CHMP4B: variants seen among roughly 807,000 people sequenced by gnomAD.
CHMP4B encodes the protein SNF7 homolog associated with Alix 1.
A neutral mutation model predicts 25.1 loss-of-function variants in CHMP4B; 1 was observed. That is an observed-to-expected ratio of 0.04 (90% CI 0.01 to 0.19). The LOEUF (loss-of-function observed/expected upper bound fraction) is 0.19. Ranked by LOEUF, CHMP4B falls within the 10% of genes least tolerant of loss-of-function variation. The probability of loss-of-function intolerance (pLI) is 1.00; values close to 1 mark genes in which losing one functional copy is unlikely to be tolerated. For synonymous variants in CHMP4B, 101 were observed against 115.6 expected, an observed-to-expected ratio of 0.87 and a Z score of 0.81; for missense variants, 151 against 289.7, an observed-to-expected ratio of 0.52 and a Z score of 3.48.
At chr20:33,841,567 A>G (rs1159728400) in intron 1 of CHMP4B, among the ~76,000 whole-genome samples, 1 of 152,160 alleles carries the variant, frequency 6.6e-6, no homozygotes, top group Non-Finnish European at 1.5e-5. Flanking sequence ...GGTTTCTGAT[A>G]ACTTTCTGTT....
chr20:33,812,689 G>A (rs1444647846), intron 1 of CHMP4B, among the ~76,000 whole-genome samples: 1 of 152,212 alleles, frequency 6.6e-6, no homozygotes, highest in Non-Finnish European at 1.5e-5. Flanking sequence ...TAGGATTGAG[G>A]TAATTCACTC....
chr20:33,842,177 C>G (rs954789753), intron 1 of CHMP4B, among the ~76,000 whole-genome samples: 5 of 152,266 alleles, frequency 3.3e-5, no homozygotes, highest in African/African-American at 1.2e-4. Context: ...CCATGTGGTA[C>G]AAGGATGGTC....
In CHMP4B at chr20:33,811,505, G is replaced by A. The variant is rs1601312636; in HGVS notation, c.37G>A (p.Gly13Ser). The change falls in exon 1 of 5, where the codon GGT becomes AGT. Residue 13 changes from glycine to serine, a missense_variant. This residue lies in a region of CHMP4B where 28 missense variants were observed against 30.5 expected (regional missense o/e 0.92). Transcript: ENST00000217402. Reference sequence around the variant, plus strand: ...CGGGAAGCTGTTCGGGGCTGGAGGGGGTAAGGCCGGCAAGGGCGGCCCGAC... The same window carrying A: ...CGGGAAGCTGTTCGGGGCTGGAGGGAGTAAGGCCGGCAAGGGCGGCCCGAC... ...VFGKLFGAGGGKAGKGGPTPQ... is the reference protein window; with the variant it reads ...VFGKLFGAGGSKAGKGGPTPQ... 2.5e-6 allele frequency: 4 copies of A among 1,597,938 alleles called. No homozygotes were observed. Among genetic ancestry groups the A allele is most frequent in the Non-Finnish European group, 3.4e-6 (4 of 1,172,350 alleles).
Position 33,853,658 on chromosome 20 carries a change from G to T in CHMP4B, c.*98G>T, listed in dbSNP as rs939085710. On this transcript the variant is annotated 3_prime_UTR_variant, in exon 5 of 5. Coordinates refer to ENST00000217402, the MANE Select transcript of CHMP4B (RefSeq NM_176812.5). ...GGCAGGCAGGATGTGGTGCAGGCAG[G>T]TTCCATCGCTTTCGACTCTCACTCC... 1 of 1,062,394 alleles carries T rather than the reference G, an allele frequency of 9.4e-7. No homozygotes were observed. Among genetic ancestry groups the T allele is most frequent in the Non-Finnish European group, 1.4e-6 (1 of 693,958 alleles). The allele number at this position is 1,062,394 out of a possible 1,614,324, so 65.8% of individuals were successfully genotyped here.
chr20:33,838,085 G>A (rs1052367301), intron 1 of CHMP4B, among the ~76,000 whole-genome samples: 12 of 152,230 alleles, frequency 7.9e-5, no homozygotes, highest in Non-Finnish European at 1.5e-5. Flanking sequence ...CAGGACCCGT[G>A]TTGCAGGTTG....
intron 1 of CHMP4B, among the ~76,000 whole-genome samples, chr20:33,814,803 T>C (rs867259460): frequency 3.5e-4 from 54 of 152,262 alleles, no homozygotes; most frequent in Middle Eastern, 3.4e-3. Context: ...TTCAGGCACA[T>C]GCCTAGCTAA....
chr20:33,840,580 GGGCA>G (rs1979511048), intron 1 of CHMP4B, among the ~76,000 whole-genome samples: 2 of 152,176 alleles, frequency 1.3e-5, no homozygotes, highest in Non-Finnish European at 2.9e-5. Context: ...CATCAGCCAA[GGGCA>G]GGGGTTGATG....
At chr20:33,830,173 A>G (rs1979200200) in intron 1 of CHMP4B, among the ~76,000 whole-genome samples, 2 of 152,196 alleles carry the variant, frequency 1.3e-5, no homozygotes, top group Non-Finnish European at 2.9e-5. Flanking sequence ...GAAGAGGAAG[A>G]TGAAAGGAGT....
intron 1 of CHMP4B, among the ~76,000 whole-genome samples, chr20:33,830,707 A>G (rs1165419099): frequency 2.6e-5 from 4 of 152,000 alleles, no homozygotes; most frequent in African/African-American, 4.8e-5. Context: ...CCCATCTCCA[A>G]ATGCAGCCAC....
intron 1 of CHMP4B, among the ~76,000 whole-genome samples, chr20:33,820,624 T>G (rs1459793671): frequency 6.6e-6 from 1 of 152,082 alleles, no homozygotes; most frequent in African/African-American, 2.4e-5. Flanking sequence ...AGAAGCATAC[T>G]TAGGATTCAG....
At chr20:33,836,820 G>T (rs1414232212) in intron 1 of CHMP4B, among the ~76,000 whole-genome samples, 1 of 152,168 alleles carries the variant, frequency 6.6e-6, no homozygotes, top group Non-Finnish European at 1.5e-5. Flanking sequence ...GGGTGTGATC[G>T]TAGGGTTCAA....
chr20:33,853,868 A>C lies in CHMP4B; in HGVS notation c.*308A>C. 2.2e-6 allele frequency: 1 copy of C among 462,240 alleles called. No individual in the cohort carries two copies. The highest frequency in any genetic ancestry group is 2.0e-5 in the African/African-American group (1 of 50,926). 28.6% of individuals were successfully genotyped at this position (462,240 alleles called of 1,614,324 possible). On this transcript the variant is annotated 3_prime_UTR_variant, in exon 5 of 5. Transcript: ENST00000217402. ...CTGGACTACGCTGACTCCACTGCTG[A>C]ATCCTCAATGGAAAGGGTCGACTGG...
intron 1 of CHMP4B, among the ~76,000 whole-genome samples, chr20:33,834,168 CTTG>C (rs1979330078): frequency 6.6e-6 from 1 of 152,166 alleles, no homozygotes; most frequent in Non-Finnish European, 1.5e-5. Flanking sequence ...GAAGTTCAAT[CTTG>C]TTGAACTTCT....
chr20:33,815,368 A>G (rs889665286), intron 1 of CHMP4B, among the ~76,000 whole-genome samples: 3 of 152,200 alleles, frequency 2.0e-5, no homozygotes, highest in African/African-American at 4.8e-5. Context: ...GAAATAATAC[A>G]TGTCTGAGAC....
intron 1 of CHMP4B, 93 bp downstream of exon 1, chr20:33,811,751 G>C (rs911806420): frequency 9.0e-6 from 12 of 1,331,982 alleles, no homozygotes; most frequent in Non-Finnish European, 1.3e-5. Flanking sequence ...CTCGGGGTCT[G>C]GTCTGACCCT....
At chr20:33,811,713 G>A in intron 1 of CHMP4B, 55 bp downstream of exon 1, 4 of 1,563,228 alleles carry the variant, frequency 2.6e-6, no homozygotes, top group East Asian at 2.3e-5. Context: ...GGCTCCCCGG[G>A]CCCGGACTTC....
chr20:33,848,471 C>T lies in CHMP4B; in HGVS notation c.195C>T (p.Ala65=), dbSNP rs770245838. 4 of 1,614,138 alleles carry T rather than the reference C, an allele frequency of 2.5e-6. No homozygotes were observed. The highest frequency in any genetic ancestry group is 2.2e-5 in the South Asian group (2 of 91,076). ...KKHGTKNKRA[A]LQALKRKKRY... is the part of the protein sequence containing the mutation. Reference sequence around the variant, plus strand: ...CCTGTTTTCTCCCTCACGCAGCGGCCCTCCAGGCACTGAAGCGTAAGAAGA... The same window carrying T: ...CCTGTTTTCTCCCTCACGCAGCGGCTCTCCAGGCACTGAAGCGTAAGAAGA... Residue 65 remains alanine, a synonymous_variant, in exon 2 of 5, where the codon GCC becomes GCT. Coordinates refer to ENST00000217402, the MANE Select transcript of CHMP4B (RefSeq NM_176812.5).
intron 1 of CHMP4B, among the ~76,000 whole-genome samples, chr20:33,814,035 C>G (rs11907936): frequency 6.6e-6 from 1 of 152,180 alleles, no homozygotes; most frequent in Non-Finnish European, 1.5e-5. Context: ...CCAGCCGTTT[C>G]TGCAGTTTTG....
At chr20:33,823,334 C>G (rs1978998660) in intron 1 of CHMP4B, among the ~76,000 whole-genome samples, 1 of 151,974 alleles carries the variant, frequency 6.6e-6, no homozygotes, top group South Asian at 2.1e-4. Flanking sequence ...AGCTCTGTGA[C>G]TTGGGGATCC....
Sources: gnomAD v4.1 joint callset for allele counts (sites outside exome capture counted in the v4.1 genomes callset) on GRCh38, gnomAD v4.1.1 for gene constraint, gnomAD v4.1.1 regional missense constraint, MANE v1.5 for transcripts, NCBI Gene and HGNC (gene_info 2026-07-23, HGNC 2026-07-21) for gene names.